XIRP2: variants seen among roughly 807,000 people sequenced by gnomAD.
XIRP2 encodes xin actin-binding repeat-containing protein 2.
In XIRP2, 236 loss-of-function variants were observed where a neutral mutation model predicts 277.0. The ratio of observed to expected loss-of-function variants is 0.85; its 90% CI spans 0.77 to 0.95. XIRP2 has a LOEUF of 0.95. XIRP2 is among the 40% of genes least tolerant of loss of function. The pLI, the probability that XIRP2 is intolerant of heterozygous loss-of-function variation, is 0.00. For missense variants in XIRP2, 4,640 were observed against 4,157.5 expected (o/e 1.12, Z -3.19); for synonymous variants, 1,490 against 1,416.5 (o/e 1.05, Z -1.17).
intron 2 of XIRP2, among the ~76,000 whole-genome samples, chr2:166,936,003 G>T (rs917389980): frequency 6.6e-6 from 1 of 152,144 alleles, no homozygotes; most frequent in Non-Finnish European, 1.5e-5. Context: ...CTTCCAAATG[G>T]TTGAACCAGT....
intron 2 of XIRP2, among the ~76,000 whole-genome samples, chr2:166,946,773 A>T (rs13034743): frequency 1.3e-5 from 2 of 152,140 alleles, no homozygotes; most frequent in Non-Finnish European, 2.9e-5. Flanking sequence ...GTAAGATGTT[A>T]CAATCAGTTC....
chr2:166,907,042 A>T (rs1402413926), intron 2 of XIRP2, among the ~76,000 whole-genome samples: 1 of 152,226 alleles, frequency 6.6e-6, no homozygotes, highest in Non-Finnish European at 1.5e-5. Flanking sequence ...ATTACAATAG[A>T]AAATCAGTGA....
Position 167,086,888 on chromosome 2 carries a change from A to G in XIRP2, c.409-49021A>G, listed in dbSNP as rs2105269722. 1.3e-5 allele frequency among the ~76,000 whole-genome samples: 2 copies of G among 152,220 alleles called. 1 individual carries two copies. Among genetic ancestry groups the G allele is most frequent in the South Asian group, 4.2e-4 (2 of 4,814 alleles). On this transcript the variant is annotated intron_variant, in intron 2 of 10. Coordinates refer to ENST00000409195, the MANE Select transcript of XIRP2 (RefSeq NM_152381.6). Reference sequence around the variant, plus strand: ...TTCAACTTCTTTGCCTTTGGTCTGAATGTCCTCCTGTAGCTCAGAGTAATT... The same window carrying G: ...TTCAACTTCTTTGCCTTTGGTCTGAGTGTCCTCCTGTAGCTCAGAGTAATT...
intron 2 of XIRP2, among the ~76,000 whole-genome samples, chr2:167,086,919 G>A (rs961268902): frequency 6.8e-4 from 103 of 152,038 alleles, no homozygotes; most frequent in Admixed American, 1.7e-3. Flanking sequence ...TAATTTGATC[G>A]TCTGAAGCCT....
At chr2:166,915,321 A>C (rs1684838742) in intron 2 of XIRP2, among the ~76,000 whole-genome samples, 1 of 150,830 alleles carries the variant, frequency 6.6e-6, no homozygotes, top group Admixed American at 6.6e-5. Flanking sequence ...AAAAAAAAAA[A>C]AGAAAAAGAA....
intron 2 of XIRP2, among the ~76,000 whole-genome samples, chr2:166,931,116 G>T (rs1011868666): frequency 4.6e-5 from 7 of 152,074 alleles, no homozygotes; most frequent in Non-Finnish European, 8.8e-5. Flanking sequence ...TGAAAAAGAA[G>T]ATTTTGGAAC....
At chr2:167,120,778 A>G (rs912689289) in intron 2 of XIRP2, among the ~76,000 whole-genome samples, 6 of 152,130 alleles carry the variant, frequency 3.9e-5, no homozygotes, top group Admixed American at 3.3e-4. Flanking sequence ...TTCAGACCCT[A>G]TTAGGTTCAT....
At chr2:167,187,509 G>T in intron 3 of XIRP2, 4 of 985,184 alleles carry the variant, frequency 4.1e-6, no homozygotes, top group Non-Finnish European at 4.8e-6. Context: ...CAAACTTGGG[G>T]TTAAACCTAA....
chr2:167,201,237 A>AGGGAGG (rs1559018274), intron 3 of XIRP2, among the ~76,000 whole-genome samples: 3 of 111,276 alleles, frequency 2.7e-5, no homozygotes, highest in Admixed American at 2.6e-4. Flanking sequence ...AAAGAAAGAA[A>AGGGAGG]GAAAGAAAGA....
chr2:167,193,393 G>T (rs762386654), intron 3 of XIRP2, among the ~76,000 whole-genome samples: 3 of 152,104 alleles, frequency 2.0e-5, no homozygotes, highest in Non-Finnish European at 4.4e-5. Flanking sequence ...GTATGTATGT[G>T]AATGTGTATG....
chr2:166,953,094 C>T (rs1686075564), intron 2 of XIRP2, among the ~76,000 whole-genome samples: 1 of 151,864 alleles, frequency 6.6e-6, no homozygotes, highest in Admixed American at 6.6e-5. Context: ...TATGGTGTCC[C>T]TAGCATACCT....
intron 2 of XIRP2, among the ~76,000 whole-genome samples, chr2:167,114,273 T>C (rs149744183): frequency 2.6e-5 from 4 of 152,292 alleles, no homozygotes; most frequent in East Asian, 1.9e-4. Flanking sequence ...CAATGCGTCA[T>C]AGATGTGGTC....
intron 3 of XIRP2, among the ~76,000 whole-genome samples, chr2:167,169,462 T>C (rs1339956722): frequency 6.6e-6 from 1 of 152,150 alleles, no homozygotes; most frequent in African/African-American, 2.4e-5. Context: ...CTGTTTAGAG[T>C]TTCTGCACTG....
intron 5 of XIRP2, among the ~76,000 whole-genome samples, chr2:167,231,981 C>T (rs762457633): frequency 6.6e-6 from 1 of 151,962 alleles, no homozygotes; most frequent in East Asian, 1.9e-4. Context: ...TCCTCCTAGT[C>T]TTATTCTCCA....
At chr2:167,101,178 A>G (rs1428887351) in intron 2 of XIRP2, among the ~76,000 whole-genome samples, 1 of 152,236 alleles carries the variant, frequency 6.6e-6, no homozygotes, top group African/African-American at 2.4e-5. Flanking sequence ...GTAGAAAAGA[A>G]TGAGTAAGGT....
At chr2:167,005,011 CA>C (rs1354905540) in intron 2 of XIRP2, among the ~76,000 whole-genome samples, 1 of 151,638 alleles carries the variant, frequency 6.6e-6, no homozygotes, top group Admixed American at 6.6e-5. Flanking sequence ...TTTTTTGTAG[CA>C]GACAGATCAG....
At chr2:167,143,719 C>T (rs765025558) in intron 3 of XIRP2, among the ~76,000 whole-genome samples, 1 of 151,734 alleles carries the variant, frequency 6.6e-6, no homozygotes, top group Admixed American at 6.6e-5. Context: ...GAAATATGCT[C>T]GTTGACATAT....
intron 2 of XIRP2, among the ~76,000 whole-genome samples, chr2:167,105,910 G>A (rs552209816): frequency 8.3e-4 from 126 of 151,702 alleles, no homozygotes; most frequent in African/African-American, 2.9e-3. Flanking sequence ...AGCTAATGAC[G>A]TTGAACATCT....
chr2:167,026,302 T>C (rs192329587), intron 2 of XIRP2, among the ~76,000 whole-genome samples: 4,580 of 152,178 alleles, frequency 0.03, 79 homozygotes, highest in East Asian at 0.082. Flanking sequence ...GTTTTCCATT[T>C]GCTTGGTAGA....
Sources: allele counts gnomAD v4.1 joint callset (sites outside exome capture counted in the v4.1 genomes callset), GRCh38; gene constraint gnomAD v4.1.1; transcripts MANE v1.5; gene names NCBI Gene and HGNC (gene_info 2026-07-23, HGNC 2026-07-21).